Variants in KLF12 observed in about 807,000 individuals in gnomAD.
The protein encoded by KLF12 is Krueppel-like factor 12.
In KLF12, 9 loss-of-function variants were observed where a neutral mutation model predicts 37.8. The ratio of observed to expected loss-of-function variants is 0.24; its 90% CI spans 0.14 to 0.42. KLF12 has a LOEUF of 0.42. KLF12 is among the 10% of genes least tolerant of loss of function. KLF12 has a pLI of 1.00. For missense variants in KLF12, 411 were observed against 516.0 expected, an observed-to-expected ratio of 0.80 and a Z score of 1.97; for synonymous variants, 208 against 202.1, an observed-to-expected ratio of 1.03 and a Z score of -0.25.
chr13:74,260,621 AATAAAAT>A, the KLF12 span, among the ~76,000 whole-genome samples: 25 of 115,810 alleles, frequency 2.2e-4, 1 homozygote, highest in African/African-American at 1.2e-3. Context: ...AATAAAATAA[AATAAAAT>A]AGTGAATTAA....
chr13:73,989,027 C>T (rs1891897036), intron 2 of KLF12, among the ~76,000 whole-genome samples: 1 of 152,228 alleles, frequency 6.6e-6, no homozygotes, highest in East Asian at 1.9e-4. Flanking sequence ...AATCTGAGTA[C>T]AAAGTCATTT....
chr13:73,715,381 C>T lies in KLF12; in HGVS notation c.1014G>A (p.Arg338=), dbSNP rs1360484492. Residue 338 remains arginine (R), a synonymous_variant, in exon 7 of 8, where the codon CGG becomes CGA. Transcript: ENST00000377669. Reference sequence around the variant, plus strand: ...GCAGAGCGGTACCTGTATGTGTCCTCCGGTGAGCCTTCAGGTGAGAACTTT... The same window carrying T: ...GCAGAGCGGTACCTGTATGTGTCCTTCGGTGAGCCTTCAGGTGAGAACTTT... 1.2e-6 allele frequency: 2 copies of T among 1,613,594 alleles called. No individual in the cohort carries two copies. Among genetic ancestry groups the T allele is most frequent in the African/African-American group, 2.7e-5 (2 of 74,934 alleles).
At chr13:74,054,729 C>A (rs540346070) in intron 1 of KLF12, among the ~76,000 whole-genome samples, 4 of 152,304 alleles carry the variant, frequency 2.6e-5, no homozygotes, top group African/African-American at 9.6e-5. Flanking sequence ...ACTACATTAA[C>A]ACCATTGGCT....
chr13:74,001,326 T>C (rs575265597), intron 1 of KLF12, among the ~76,000 whole-genome samples: 1 of 152,332 alleles, frequency 6.6e-6, no homozygotes, highest in South Asian at 2.1e-4. Flanking sequence ...GATGTATACA[T>C]AGAATGCCAA....
At chr13:73,977,654 G>C (rs959010800) in intron 2 of KLF12, among the ~76,000 whole-genome samples, 2 of 152,154 alleles carry the variant, frequency 1.3e-5, no homozygotes, top group Non-Finnish European at 2.9e-5. Context: ...TAAAGACCTA[G>C]AATAGTTAAT....
chr13:74,044,860 CA>C (rs34045412), intron 1 of KLF12, among the ~76,000 whole-genome samples: 1,972 of 96,728 alleles, frequency 0.02, 45 homozygotes, highest in African/African-American at 0.059. Context: ...CAGAAAGTCT[CA>C]AAAAAAAAAA....
chr13:74,171,035 G>A, the KLF12 span, among the ~76,000 whole-genome samples: 1 of 152,144 alleles, frequency 6.6e-6, no homozygotes, highest in Non-Finnish European at 1.5e-5. Flanking sequence ...AAAGTTCTGG[G>A]ATTACAGGTG....
intron 6 of KLF12, among the ~76,000 whole-genome samples, chr13:73,742,445 T>C (rs890572055): frequency 6.6e-6 from 1 of 152,214 alleles, no homozygotes; most frequent in African/African-American, 2.4e-5. Context: ...ATCTTAATAG[T>C]TAACAATATT....
At chr13:73,915,131 C>G (rs1260663319) in intron 3 of KLF12, among the ~76,000 whole-genome samples, 1 of 152,126 alleles carries the variant, frequency 6.6e-6, no homozygotes, top group African/African-American at 2.4e-5. Context: ...TGGCTCCTGT[C>G]TGCGTCACTC....
chr13:73,822,904 G>C (rs563542877), intron 4 of KLF12, among the ~76,000 whole-genome samples: 1 of 152,122 alleles, frequency 6.6e-6, no homozygotes, highest in Non-Finnish European at 1.5e-5. Context: ...TTTGCCTTTT[G>C]TTCATTCATT....
intron 1 of KLF12, among the ~76,000 whole-genome samples, chr13:74,022,668 CAAAA>C (rs58422903): frequency 7.3e-6 from 1 of 136,504 alleles, no homozygotes; most frequent in Non-Finnish European, 1.6e-5. Context: ...AGGGTAAATC[CAAAA>C]AAAAAAAAAA....
At chr13:74,215,427 C>CTTTTTTTTT in the KLF12 span, among the ~76,000 whole-genome samples, 15 of 60,370 alleles carry the variant, frequency 2.5e-4, no homozygotes, top group Non-Finnish European at 4.0e-4. Flanking sequence ...CCTCTGGGTT[C>CTTTTTTTTT]TTTTTTTTTT....
chr13:74,273,404 T>C, the KLF12 span, among the ~76,000 whole-genome samples: 1 of 152,046 alleles, frequency 6.6e-6, no homozygotes, highest in African/African-American at 2.4e-5. Flanking sequence ...ATGATTAGAA[T>C]TGACTTAATG....
intron 3 of KLF12, among the ~76,000 whole-genome samples, chr13:73,921,538 C>G (rs938303352): frequency 6.6e-6 from 1 of 152,102 alleles, no homozygotes; most frequent in Non-Finnish European, 1.5e-5. Context: ...TAGGCACTTA[C>G]ATATTCCACA....
chr13:73,959,155 T>C (rs1318449105), intron 2 of KLF12, among the ~76,000 whole-genome samples: 1 of 129,428 alleles, frequency 7.7e-6, no homozygotes, highest in Non-Finnish European at 1.6e-5. Context: ...AAGACACATC[T>C]TGCTCCGCAT....
chr13:73,697,856 G>C (rs767969142), intron 7 of KLF12, among the ~76,000 whole-genome samples: 1 of 152,144 alleles, frequency 6.6e-6, no homozygotes, highest in Non-Finnish European at 1.5e-5. Flanking sequence ...GAGTAAACAT[G>C]AGATTAGATA....
chr13:74,210,658 A>C, the KLF12 span, among the ~76,000 whole-genome samples: 1 of 152,170 alleles, frequency 6.6e-6, no homozygotes, highest in African/African-American at 2.4e-5. Context: ...TAAATTAGGA[A>C]TTATCTATAA....
rs1875245035 is a variant in KLF12, at chr13:74,085,734, C to A, written c.-32+48005G>T. The stretch of plus-strand genomic sequence containing the variant: ...TTGATTGTGCACCAATTCCTGGGCA[C>A]CACCTTCAAAGGTTCTGATTTAGCC... On this transcript the variant is annotated intron_variant, in intron 1 of 7. Transcript: ENST00000377669. Among the ~76,000 whole-genome samples, 3 of 152,152 alleles carry A rather than the reference C, an allele frequency of 2.0e-5. No homozygotes were observed. In the South Asian group the frequency reaches 6.2e-4, roughly 31 times the overall value.
chr13:73,889,765 A>G (rs1887414086), intron 3 of KLF12, among the ~76,000 whole-genome samples: 1 of 152,152 alleles, frequency 6.6e-6, no homozygotes, highest in African/African-American at 2.4e-5. Context: ...GAAAAGTTGA[A>G]CAAGCACAAA....
Sources: allele counts gnomAD v4.1 joint callset (sites outside exome capture counted in the v4.1 genomes callset), GRCh38; gene constraint gnomAD v4.1.1; transcripts MANE v1.5; gene names NCBI Gene and HGNC (gene_info 2026-07-23, HGNC 2026-07-21).